The following THSD7A variants were observed in gnomAD, a reference collection of about 807,000 sequenced individuals.
THSD7A encodes the protein thrombospondin type-1 domain-containing protein 7A.
A neutral mutation model predicts 231.3 loss-of-function variants in THSD7A; 96 were observed. That is an observed-to-expected ratio of 0.41 (90% CI 0.35 to 0.49). THSD7A has a LOEUF of 0.49. THSD7A is among the 20% of genes least tolerant of loss of function. THSD7A has a pLI of 0.05. For synonymous variants in THSD7A, 940 were observed against 743.3 expected, an observed-to-expected ratio of 1.26 and a Z score of -4.30; for missense variants, 2,290 against 2,070.2, an observed-to-expected ratio of 1.11 and a Z score of -2.06.
At chr7:11,664,556 C>G (rs1391019157) in intron 1 of THSD7A, among the ~76,000 whole-genome samples, 4 of 151,926 alleles carry the variant, frequency 2.6e-5, no homozygotes, top group Non-Finnish European at 4.4e-5. Flanking sequence ...CAGTAAAGAG[C>G]AGCAAATAGC....
intron 1 of THSD7A, among the ~76,000 whole-genome samples, chr7:11,754,952 T>TA (rs1331612699): frequency 2.0e-5 from 3 of 151,884 alleles, no homozygotes; most frequent in Non-Finnish European, 4.4e-5. Context: ...TTATGTTGAG[T>TA]AAAAAAAAGT....
At chr7:11,545,062 A>C in intron 4 of THSD7A, among the ~76,000 whole-genome samples, 1 of 152,154 alleles carries the variant, frequency 6.6e-6, no homozygotes, top group South Asian at 2.1e-4. Context: ...ACTTGACACC[A>C]ATGATACACA....
intron 4 of THSD7A, 106 bp from the exon 5 acceptor site, chr7:11,543,223 G>A (rs1583940379): frequency 1.1e-6 from 1 of 949,968 alleles, no homozygotes; most frequent in East Asian, 2.5e-5. Context: ...TTAAAGAAGT[G>A]CTACCAAGAC....
chr7:11,622,374 A>G (rs1292373054), intron 2 of THSD7A, among the ~76,000 whole-genome samples: 1 of 152,108 alleles, frequency 6.6e-6, no homozygotes, highest in African/African-American at 2.4e-5. Context: ...TATTAATAAA[A>G]TTCATGTTTT....
intron 2 of THSD7A, among the ~76,000 whole-genome samples, chr7:11,615,555 T>G (rs1781077453): frequency 6.6e-6 from 1 of 152,242 alleles, no homozygotes; most frequent in South Asian, 2.1e-4. Flanking sequence ...ACTAGTTTTC[T>G]AATGAATTCA....
chr7:11,796,072 A>G (rs1043378589), intron 1 of THSD7A, among the ~76,000 whole-genome samples: 9 of 136,712 alleles, frequency 6.6e-5, no homozygotes, highest in African/African-American at 2.2e-4. Flanking sequence ...ATATATATAT[A>G]TATATTTGGA....
At chr7:11,384,643 C>T (rs1423320736) in intron 23 of THSD7A, 1 of 151,974 alleles carries the variant, frequency 6.6e-6, no homozygotes, top group Non-Finnish European at 1.5e-5. Context: ...CACTTACTTA[C>T]CTACATAAGA....
rs563108674 is a variant in THSD7A, at chr7:11,515,094, A to T, written c.1822+26325T>A. On this transcript the variant is annotated intron_variant, in intron 6 of 27. Coordinates refer to ENST00000423059, the MANE Select transcript of THSD7A (RefSeq NM_015204.3). ...TTAGAAATAAATTTTACATGTAACT[A>T]ATGGGAAATCACATCTGAGCCCATC... Among the ~76,000 whole-genome samples the T allele has an allele frequency of 6.6e-5, 10 of 152,320 alleles. No homozygotes were observed. In the South Asian group the frequency reaches 2.1e-3, roughly 32 times the overall value.
rs74336983 is a variant in THSD7A at position 11,756,198 on chromosome 7, C to T, written c.190+75559G>A. 7.0e-3 allele frequency among the ~76,000 whole-genome samples: 1,071 copies of T among 152,142 alleles called. 15 individuals carry two copies. Among genetic ancestry groups the T allele is most frequent in the African/African-American group, 0.025 (1,029 of 41,520 alleles). ...ATTATGTTACTAAAAGCCTGGAAAT[C>T]CCATCTTCTTAATTACTCATAAATC... is the stretch of plus-strand genomic sequence containing the variant. On this transcript the variant is annotated intron_variant, in intron 1 of 27. Transcript: ENST00000423059.
chr7:11,650,833 GT>G (rs749677131), intron 1 of THSD7A, among the ~76,000 whole-genome samples: 1 of 149,474 alleles, frequency 6.7e-6, no homozygotes, highest in African/African-American at 2.5e-5. Context: ...GTTTTGTTTT[GT>G]TTTTTTCTAA....
In THSD7A at chr7:11,814,278, C is replaced by A. The variant is rs73300413; in HGVS notation, c.190+17479G>T. 0.012 allele frequency among the ~76,000 whole-genome samples: 1,872 copies of A among 152,204 alleles called. 37 individuals are homozygous for A. Among genetic ancestry groups the A allele is most frequent in the African/African-American group, 0.043 (1,784 of 41,528 alleles). On this transcript the variant is annotated intron_variant, in intron 1 of 27. Transcript: ENST00000423059. This position sits in a 1 kb window ranked among gnomAD's most constrained non-coding sequence, Gnocchi z 5.1. The stretch of plus-strand genomic sequence containing the variant: ...TAAATGGGTGATTGCATGCTACGTG[C>A]ATTCTATCAAATAAAGCTGTTAAAA...
chr7:11,569,038 A>G lies in THSD7A; in HGVS notation c.1453+21422T>C, dbSNP rs535715997. Among the ~76,000 whole-genome samples the G allele has an allele frequency of 2.6e-4, 40 of 152,112 alleles. No homozygotes were observed. The South Asian group carries it at 3.9e-3, about 15-fold the overall frequency. On this transcript the variant is annotated intron_variant, in intron 4 of 27. Transcript: ENST00000423059. ...TATCTCTCACCACACACAAAAATCA[A>G]CACAAAATGAATTAAGAACTTAAAC...
chr7:11,537,160 G>T (rs887587357), intron 6 of THSD7A, among the ~76,000 whole-genome samples: 31 of 152,246 alleles, frequency 2.0e-4, no homozygotes, highest in African/African-American at 7.2e-4. Context: ...ACTTGGGAAA[G>T]AAATAGTACT....
intron 2 of THSD7A, among the ~76,000 whole-genome samples, chr7:11,628,729 G>A (rs931665007): frequency 6.6e-6 from 1 of 152,088 alleles, no homozygotes; most frequent in Non-Finnish European, 1.5e-5. Flanking sequence ...TGAATGAAAA[G>A]GTAAATAAGT....
intron 23 of THSD7A, among the ~76,000 whole-genome samples, chr7:11,397,919 T>C (rs1329424360): frequency 2.0e-5 from 3 of 152,302 alleles, no homozygotes; most frequent in South Asian, 2.1e-4. Context: ...AGAGAGGATG[T>C]GGAGAAACAG....
chr7:11,472,297 C>T (rs548591088), intron 8 of THSD7A, among the ~76,000 whole-genome samples: 285 of 152,178 alleles, frequency 1.9e-3, no homozygotes, highest in African/African-American at 6.5e-3. Context: ...GTGATAGGAA[C>T]TGAAGTTTGT....
At chr7:11,557,873 C>T (rs369220930) in intron 4 of THSD7A, among the ~76,000 whole-genome samples, 4 of 152,062 alleles carry the variant, frequency 2.6e-5, no homozygotes, top group African/African-American at 9.7e-5. Flanking sequence ...GAGTGTTGAG[C>T]GACTCATTAC....
chr7:11,755,653 T>C (rs1469618401), intron 1 of THSD7A, among the ~76,000 whole-genome samples: 3 of 152,104 alleles, frequency 2.0e-5, no homozygotes, highest in Non-Finnish European at 4.4e-5. Flanking sequence ...AAATGCCAGC[T>C]GGAAGTACCT....
chr7:11,558,114 C>G (rs1407511205), intron 4 of THSD7A, among the ~76,000 whole-genome samples: 3 of 152,116 alleles, frequency 2.0e-5, no homozygotes, highest in Admixed American at 2.0e-4. Context: ...GCTTCTTTAG[C>G]TCCAACCTTG....
Sources: gnomAD v4.1 joint callset for allele counts (sites outside exome capture counted in the v4.1 genomes callset) on GRCh38, gnomAD v4.1.1 for gene constraint, Gnocchi (gnomAD v3.1) non-coding constraint, MANE v1.5 for transcripts, NCBI Gene and HGNC (gene_info 2026-07-23, HGNC 2026-07-21) for gene names.